The following ERP44 variants were observed in gnomAD, a reference collection of about 807,000 sequenced individuals.
ERP44 encodes the protein endoplasmic reticulum protein 44.
A neutral mutation model predicts 53.4 loss-of-function variants in ERP44; 25 were observed. The observed-to-expected ratio is 0.47, with a 90% confidence interval of 0.34 to 0.65. The LOEUF is 0.65. ERP44 is among the 30% of genes least tolerant of loss of function. The pLI, the probability that ERP44 is intolerant of heterozygous loss-of-function variation, is 0.01. For synonymous variants in ERP44, 145 were observed against 161.2 expected, an observed-to-expected ratio of 0.90 and a Z score of 0.76; for missense variants, 338 against 493.2, an observed-to-expected ratio of 0.69 and a Z score of 2.98.
At position 99,980,026 on chromosome 9, in the gene ERP44, T is replaced by C; in HGVS notation, c.*2586A>G. 2.5e-6 allele frequency: 1 copy of C among 398,560 alleles called. No individual in the cohort carries two copies. 24.7% of individuals were successfully genotyped at this position (398,560 alleles called of 1,614,324 possible). A position where few individuals can be genotyped will look rare whatever the true frequency, so the allele number is the denominator to read the frequency against. ...TTACTAAAAGAACTTTTTTCTCTAA[T>C]GCATTAGGCTGTTTCATACCTTTGC... On this transcript the variant is annotated 3_prime_UTR_variant, in exon 12 of 12. Transcript: ENST00000262455.
intron 1 of ERP44, among the ~76,000 whole-genome samples, chr9:100,088,624 C>A (rs1041583920): frequency 2.0e-5 from 3 of 152,134 alleles, no homozygotes; most frequent in Non-Finnish European, 4.4e-5. Flanking sequence ...AAAGGGGATA[C>A]CTTTCACCAC....
chr9:100,063,615 T>A (rs1826179665), intron 1 of ERP44, among the ~76,000 whole-genome samples: 1 of 152,208 alleles, frequency 6.6e-6, no homozygotes, highest in Non-Finnish European at 1.5e-5. Context: ...TAGACTTGAA[T>A]AAAACTTTTA....
intron 8 of ERP44, among the ~76,000 whole-genome samples, chr9:100,014,043 A>G (rs938712632): frequency 2.0e-5 from 3 of 152,228 alleles, no homozygotes; most frequent in Non-Finnish European, 2.9e-5. Flanking sequence ...CACAAAAGAC[A>G]TGATTCCATT....
At position 100,075,686 on chromosome 9, in the gene ERP44, A is replaced by G. The variant is rs1826347776; in HGVS notation, c.58-15514T>C. On this transcript the variant is annotated intron_variant, in intron 1 of 11. Coordinates refer to ENST00000262455, the MANE Select transcript of ERP44 (RefSeq NM_015051.3). ...TTTCAGTGGTGTGGGGCCTGTCGAG[A>G]TATTCCTTCTAAGGTAAAGGATAAG... 2.0e-5 allele frequency among the ~76,000 whole-genome samples: 3 copies of G among 152,190 alleles called. No homozygotes were observed. In the South Asian group the frequency reaches 6.2e-4, roughly 32 times the overall value.
chr9:100,085,618 G>A (rs1826470879), intron 1 of ERP44, among the ~76,000 whole-genome samples: 1 of 152,208 alleles, frequency 6.6e-6, no homozygotes, highest in Admixed American at 6.5e-5. Context: ...CTTCCACACT[G>A]GCTGGGTGCA....
At chr9:100,001,159 A>G (rs1211632585) in intron 10 of ERP44, among the ~76,000 whole-genome samples, 2 of 152,062 alleles carry the variant, frequency 1.3e-5, no homozygotes, top group African/African-American at 4.8e-5. Context: ...TTTCCAATTT[A>G]CTCCCAGTTA....
intron 10 of ERP44, among the ~76,000 whole-genome samples, chr9:99,994,774 G>C (rs1830293643): frequency 6.6e-6 from 1 of 151,850 alleles, no homozygotes; most frequent in Non-Finnish European, 1.5e-5. Context: ...GATTTATATT[G>C]TGTCTTAAAA....
chr9:100,022,404 C>T (rs1451224982), intron 4 of ERP44, among the ~76,000 whole-genome samples, 178 bp from the exon 5 acceptor site: 2 of 151,972 alleles, frequency 1.3e-5, no homozygotes, highest in African/African-American at 4.8e-5. Context: ...TTTAAGAGAC[C>T]AGGTTCTGGA....
chr9:100,041,033 A>C (rs1825895028), intron 4 of ERP44, among the ~76,000 whole-genome samples: 1 of 152,196 alleles, frequency 6.6e-6, no homozygotes, highest in Non-Finnish European at 1.5e-5. Flanking sequence ...TTCTATGTTT[A>C]TGGATTGGAA....
chr9:100,043,430 T>C (rs1213558393), intron 4 of ERP44, among the ~76,000 whole-genome samples: 2 of 151,914 alleles, frequency 1.3e-5, no homozygotes, highest in Non-Finnish European at 1.5e-5. Flanking sequence ...CTTGAAGTCA[T>C]GGATACCCTG....
chr9:100,032,735 T>C (rs1825805475), intron 4 of ERP44, among the ~76,000 whole-genome samples: 1 of 152,228 alleles, frequency 6.6e-6, no homozygotes, highest in Non-Finnish European at 1.5e-5. Flanking sequence ...CCACAGACAA[T>C]GTTGTCTTGT....
chr9:100,007,138 GC>G (rs1830431848), intron 9 of ERP44, among the ~76,000 whole-genome samples: 1 of 152,202 alleles, frequency 6.6e-6, no homozygotes, highest in African/African-American at 2.4e-5. Flanking sequence ...CAGAGGAAAA[GC>G]TGGTGACACC....
At chr9:99,983,708 G>A (rs1293005979) in intron 11 of ERP44, among the ~76,000 whole-genome samples, 2 of 152,104 alleles carry the variant, frequency 1.3e-5, no homozygotes, top group Non-Finnish European at 1.5e-5. Flanking sequence ...ATATGTAATG[G>A]CACATTAATT....
At chr9:100,019,905 G>GTCC (rs888734554) in intron 6 of ERP44, among the ~76,000 whole-genome samples, 1 of 152,074 alleles carries the variant, frequency 6.6e-6, no homozygotes, top group Non-Finnish European at 1.5e-5. Context: ...CTTCCAAAAG[G>GTCC]TTAAGTTTTT....
At chr9:100,088,773 C>T (rs1024533832) in intron 1 of ERP44, among the ~76,000 whole-genome samples, 1 of 152,090 alleles carries the variant, frequency 6.6e-6, no homozygotes, top group African/African-American at 2.4e-5. Flanking sequence ...AGTAGCAGAT[C>T]CAAGATTTGG....
At chr9:99,999,400 G>A (rs553385356) in intron 10 of ERP44, among the ~76,000 whole-genome samples, 1 of 152,232 alleles carries the variant, frequency 6.6e-6, no homozygotes, top group South Asian at 2.1e-4. Context: ...CACTCCATGG[G>A]TTGTCAAAGA....
At chr9:100,007,330 C>A (rs184073977) in intron 9 of ERP44, among the ~76,000 whole-genome samples, 7 of 152,260 alleles carry the variant, frequency 4.6e-5, no homozygotes, top group Admixed American at 3.3e-4. Flanking sequence ...CATTCATGAC[C>A]CTGCTTTTCA....
At chr9:100,012,096 G>A (rs1401561674) in intron 8 of ERP44, among the ~76,000 whole-genome samples, 1 of 151,926 alleles carries the variant, frequency 6.6e-6, no homozygotes, top group South Asian at 2.1e-4. Context: ...AGGAACAAAA[G>A]AAACTAGAAA....
chr9:100,045,750 T>C (rs1176943095), intron 4 of ERP44, among the ~76,000 whole-genome samples: 5 of 152,146 alleles, frequency 3.3e-5, no homozygotes, highest in East Asian at 3.8e-4. Context: ...AGGTGATTGA[T>C]ACAAACAAGA....
Sources: allele counts gnomAD v4.1 joint callset (sites outside exome capture counted in the v4.1 genomes callset), GRCh38; gene constraint gnomAD v4.1.1; transcripts MANE v1.5; gene names NCBI Gene and HGNC (gene_info 2026-07-23, HGNC 2026-07-21).